The following HIGD1C variants were observed in gnomAD, a reference collection of about 807,000 sequenced individuals.
HIGD1C encodes HIG1 hypoxia inducible domain family member 1C.
In HIGD1C, 11 loss-of-function variants were observed where a neutral mutation model predicts 13.1. The observed-to-expected ratio is 0.84, with a 90% CI of 0.53 to 1.39. The LOEUF (loss-of-function observed/expected upper bound fraction) is 1.39, where lower values mean the gene tolerates loss of function less well. Among genes scored for constraint, HIGD1C ranks in the 40% most tolerant of loss-of-function variants. The pLI, the probability that HIGD1C is intolerant of heterozygous loss-of-function variation, is 0.00. For missense variants in HIGD1C, 110 were observed against 112.0 expected (o/e 0.98, Z 0.08); for synonymous variants, 36 against 37.7 (o/e 0.95, Z 0.17).
At chr12:50,971,100 G>A (rs771741009), downstream of HIGD1C, among the ~76,000 whole-genome samples, 3 of 152,054 alleles carry the variant, frequency 2.0e-5, no homozygotes, top group Non-Finnish European at 4.4e-5. Flanking sequence ...GGCTGGTCTC[G>A]AACTCCTGAC....
chr12:50,942,867 CT>C, the HIGD1C span, among the ~76,000 whole-genome samples: 322 of 140,244 alleles, frequency 2.3e-3, 1 homozygote, highest in African/African-American at 4.3e-3. Flanking sequence ...TTTCTCTTCT[CT>C]TTTTTTTTTT....
At chr12:50,956,378 C>T (rs765397565) in intron 1 of HIGD1C, among the ~76,000 whole-genome samples, 3 of 151,912 alleles carry the variant, frequency 2.0e-5, no homozygotes, top group Non-Finnish European at 2.9e-5. Context: ...GGCAACAGAG[C>T]GAGACTCCAT....
At chr12:50,939,628 C>T in the HIGD1C span, among the ~76,000 whole-genome samples, 1 of 152,098 alleles carries the variant, frequency 6.6e-6, no homozygotes, top group East Asian at 1.9e-4. Context: ...ATATTTGAAT[C>T]CAGATCTCAT....
intron 2 of HIGD1C, 36 bp downstream of exon 4, chr12:50,961,138 C>T (rs779413484): frequency 1.9e-6 from 3 of 1,602,116 alleles, no homozygotes; most frequent in African/African-American, 2.7e-5. Flanking sequence ...GTTCAGCTGT[C>T]TTTGAGAGTA....
upstream of HIGD1C, among the ~76,000 whole-genome samples, chr12:50,951,922 CAAA>C (rs202149759): frequency 2.3e-5 from 2 of 87,348 alleles, no homozygotes; most frequent in African/African-American, 4.0e-5. Flanking sequence ...AACTCCATCT[CAAA>C]AAAAAAAAAA....
At chr12:50,970,145 T>C (rs1348419812) in intron 2 of HIGD1C, among the ~76,000 whole-genome samples, 1 of 152,220 alleles carries the variant, frequency 6.6e-6, no homozygotes, top group Non-Finnish European at 1.5e-5. Context: ...ATGACTACTA[T>C]TTTTATCTTC....
intron 2 of HIGD1C, among the ~76,000 whole-genome samples, chr12:50,965,595 C>A (rs1384009620): frequency 6.6e-6 from 1 of 152,184 alleles, no homozygotes; most frequent in Non-Finnish European, 1.5e-5. Context: ...CCAGGCTTGA[C>A]TATGAAACAG....
At chr12:50,963,288 C>T (rs781634600) in intron 2 of HIGD1C, among the ~76,000 whole-genome samples, 14 of 144,154 alleles carry the variant, frequency 9.7e-5, no homozygotes, top group Non-Finnish European at 1.6e-4. Flanking sequence ...GAGAATTGCT[C>T]GAACCTGGGA....
At chr12:50,952,587 A>G (rs1298490909), upstream of HIGD1C, among the ~76,000 whole-genome samples, 1 of 152,084 alleles carries the variant, frequency 6.6e-6, no homozygotes, top group Non-Finnish European at 1.5e-5. Context: ...GGGTCTCCAC[A>G]GCCCCACTCA....
the HIGD1C span, among the ~76,000 whole-genome samples, chr12:50,946,424 A>G: frequency 2.0e-5 from 3 of 152,258 alleles, no homozygotes; most frequent in South Asian, 6.2e-4. Context: ...GGCGAAGGAT[A>G]TGAACAGACA....
At chr12:50,956,622 G>GT (rs1355080423) in intron 1 of HIGD1C, among the ~76,000 whole-genome samples, 1 of 152,138 alleles carries the variant, frequency 6.6e-6, no homozygotes, top group Non-Finnish European at 1.5e-5. Context: ...TCTATTTAAA[G>GT]TATGTGTTGA....
At chr12:50,932,142 G>A in the HIGD1C span, 32 of 152,286 alleles carry the variant, frequency 2.1e-4, no homozygotes, top group African/African-American at 7.7e-4. Flanking sequence ...GAATATTGTA[G>A]ATTGTAGGCA....
At chr12:50,968,398 TG>T (rs745364294) in intron 2 of HIGD1C, among the ~76,000 whole-genome samples, 3 of 151,838 alleles carry the variant, frequency 2.0e-5, no homozygotes, top group Non-Finnish European at 4.4e-5. Context: ...TTTGTGTGTG[TG>T]TGGGGGGAGA....
At chr12:50,954,034 T>G (rs1938996278) in exon 1 of HIGD1C, 1 of 1,613,282 alleles carries the variant, frequency 6.2e-7, no homozygotes, top group South Asian at 1.1e-5. Flanking sequence ...CAGATGAGGA[T>G]GAAGGCCAAT....
upstream of HIGD1C, chr12:50,949,358 G>C (rs1938850963): frequency 6.6e-6 from 1 of 152,126 alleles, no homozygotes; most frequent in Non-Finnish European, 1.5e-5. Flanking sequence ...TCAGCTAAAG[G>C]GGTCCCTTCT....
Position 50,962,157 on chromosome 12 carries a change from G to A in HIGD1C, c.229+1055G>A, listed in dbSNP as rs145069849. 1.5e-3 allele frequency among the ~76,000 whole-genome samples: 233 copies of A among 152,120 alleles called. 4 individuals carry two copies. Among genetic ancestry groups the A allele is most frequent in the Admixed American group, 0.011 (172 of 15,254 alleles). On this transcript the variant is annotated intron_variant, in intron 2 of 2. Transcript: ENST00000398455. ...TCCCACCACTTTGGGATGCCGAGGC[G>A]GGCAGATCAACTGAGGTAAGGAGTT...
At chr12:50,951,867 A>T (rs1396286363), upstream of HIGD1C, among the ~76,000 whole-genome samples, 1 of 149,914 alleles carries the variant, frequency 6.7e-6, no homozygotes, top group Non-Finnish European at 1.5e-5. Context: ...GGTTGCAGTG[A>T]GCCAAGATTG....
At chr12:50,962,198 C>G (rs950862237) in intron 2 of HIGD1C, among the ~76,000 whole-genome samples, 1 of 151,798 alleles carries the variant, frequency 6.6e-6, no homozygotes, top group African/African-American at 2.4e-5. Context: ...CCAGCCTGGC[C>G]AACATGGCAA....
At chr12:50,931,595 C>G in the HIGD1C span, 4 of 149,266 alleles carry the variant, frequency 2.7e-5, no homozygotes, top group African/African-American at 9.9e-5. Flanking sequence ...CCTGTAATCC[C>G]AGGTACTTGG....
Sources: allele counts gnomAD v4.1 joint callset (sites outside exome capture counted in the v4.1 genomes callset), GRCh38; gene constraint gnomAD v4.1.1; transcripts MANE v1.5; gene names NCBI Gene and HGNC (gene_info 2026-07-23, HGNC 2026-07-21).